Variants in CAPN13 observed in about 807,000 individuals in gnomAD.
The protein encoded by CAPN13 is calpain-13.
Under a neutral mutation model 98.4 loss-of-function variants are expected in CAPN13, and 90 were observed. That is an observed-to-expected ratio of 0.92 (90% CI 0.77 to 1.09). CAPN13 has a LOEUF of 1.09. Among genes scored for constraint, CAPN13 ranks in the 50% least tolerant of loss-of-function variants. The probability of loss-of-function intolerance (pLI) is 0.00; values close to 1 mark genes in which losing one functional copy is unlikely to be tolerated. For missense variants in CAPN13, 887 were observed against 841.3 expected, an observed-to-expected ratio of 1.05 and a Z score of -0.67; for synonymous variants, 330 against 305.5, an observed-to-expected ratio of 1.08 and a Z score of -0.84.
chr2:30,802,130 G>A (rs1421918069), intron 1 of CAPN13, among the ~76,000 whole-genome samples: 2 of 152,186 alleles, frequency 1.3e-5, no homozygotes, highest in African/African-American at 4.8e-5. Context: ...CTGCAGAGGC[G>A]AGTAGGCTGA....
Position 30,754,380 on chromosome 2 carries a change from C to T in CAPN13, c.867-16G>A. The stretch of plus-strand genomic sequence containing the variant: ...CTCCTGAGACCTGAGCATGGACACA[C>T]AAACCACAGGGTGAGATTTTCCAGT... On this transcript the variant is annotated splice_polypyrimidine_tract_variant and intron_variant, in intron 8 of 22. Coordinates refer to ENST00000295055, the MANE Select transcript of CAPN13 (RefSeq NM_144575.3). The T allele has an allele frequency of 6.3e-7, 1 of 1,590,580 alleles. No homozygotes were observed. Among genetic ancestry groups the T allele is most frequent in the South Asian group, 1.2e-5 (1 of 85,926 alleles).
chr2:30,767,787 G>T (rs1673185521), intron 5 of CAPN13, among the ~76,000 whole-genome samples: 1 of 152,180 alleles, frequency 6.6e-6, no homozygotes, highest in Non-Finnish European at 1.5e-5. Context: ...TCACTGTTTG[G>T]ACTGTGACTT....
intron 1 of CAPN13, among the ~76,000 whole-genome samples, chr2:30,789,741 C>G (rs1333750195): frequency 1.3e-5 from 2 of 152,242 alleles, no homozygotes; most frequent in African/African-American, 4.8e-5. Flanking sequence ...AAGTACAAAG[C>G]AGCCAATACA....
In CAPN13 at chr2:30,752,238, C is replaced by T. The variant is rs372146227; in HGVS notation, c.1087+815G>A. On this transcript the variant is annotated intron_variant, in intron 10 of 22. Coordinates refer to ENST00000295055, the MANE Select transcript of CAPN13 (RefSeq NM_144575.3). ...AACCAACCATCCCGACAGGCAGGTG[C>T]CCAGAGGAAGGGATGCATATGCATC... 2.6e-5 allele frequency among the ~76,000 whole-genome samples: 4 copies of T among 152,202 alleles called. No homozygotes were observed. The South Asian group carries it at 8.3e-4, about 32-fold the overall frequency.
rs535959857 is a variant in CAPN13, at chr2:30,734,161, AG to A, written c.1798+287del. Among the ~76,000 whole-genome samples, 30 of 152,334 alleles carry A rather than the reference AG, an allele frequency of 2.0e-4. 1 individual carries two copies. The South Asian group carries it at 6.0e-3, about 30-fold the overall frequency. ...CTCCAAGGCGAGCTCGATTCCTGATAGGGTATCAATCACGCAACGGCTATTT... is the reference window on the plus strand; with the variant it reads ...CTCCAAGGCGAGCTCGATTCCTGATAGGTATCAATCACGCAACGGCTATTT... On this transcript the variant is annotated intron_variant, in intron 19 of 22. Transcript: ENST00000295055.
chr2:30,796,215 C>T (rs1177566058), intron 1 of CAPN13, among the ~76,000 whole-genome samples: 130 of 95,732 alleles, frequency 1.4e-3, no homozygotes, highest in African/African-American at 2.2e-3. Context: ...TATATATACA[C>T]ATATATATGT....
chr2:30,788,843 G>A (rs913592296), intron 1 of CAPN13, among the ~76,000 whole-genome samples: 3 of 152,160 alleles, frequency 2.0e-5, no homozygotes, highest in Non-Finnish European at 4.4e-5. Context: ...AGCATATTTG[G>A]AGAGAATTGT....
chr2:30,733,923 C>T (rs1451454094), intron 19 of CAPN13, among the ~76,000 whole-genome samples: 1 of 152,178 alleles, frequency 6.6e-6, no homozygotes, highest in African/African-American at 2.4e-5. Flanking sequence ...AAGGAGATGA[C>T]GCGAACAGAA....
chr2:30,759,052 TTCCCTCCCTCCC>T (rs1328282361), intron 7 of CAPN13, among the ~76,000 whole-genome samples: 2 of 15,640 alleles, frequency 1.3e-4, no homozygotes, highest in South Asian at 2.1e-3. Context: ...CCTTCCTTCC[TTCCCTCCCTCCC>T]TCCCTCCTCC....
At chr2:30,796,444 G>T (rs953076897) in intron 1 of CAPN13, among the ~76,000 whole-genome samples, 1 of 151,856 alleles carries the variant, frequency 6.6e-6, no homozygotes, top group East Asian at 1.9e-4. Context: ...GTCTGGAATA[G>T]CTAAGAATCA....
intron 20 of CAPN13, among the ~76,000 whole-genome samples, chr2:30,731,605 G>A (rs1238687568): frequency 6.6e-6 from 1 of 152,220 alleles, no homozygotes; most frequent in Non-Finnish European, 1.5e-5. Flanking sequence ...CACCTCCTCA[G>A]AGGGGCTGTG....
intron 11 of CAPN13, among the ~76,000 whole-genome samples, chr2:30,747,178 C>A (rs1435905600): frequency 1.3e-5 from 2 of 152,236 alleles, no homozygotes; most frequent in African/African-American, 4.8e-5. Context: ...CCATTGTAAG[C>A]CTCTCTACGG....
intron 1 of CAPN13, among the ~76,000 whole-genome samples, chr2:30,789,529 C>T (rs902152277): frequency 3.3e-5 from 5 of 152,136 alleles, no homozygotes; most frequent in East Asian, 1.9e-4. Context: ...GTCTTATATG[C>T]GAGGATCAGT....
At chr2:30,805,094 A>C (rs1002431187) in intron 1 of CAPN13, among the ~76,000 whole-genome samples, 1 of 152,166 alleles carries the variant, frequency 6.6e-6, no homozygotes, top group African/African-American at 2.4e-5. Flanking sequence ...TCTAGCAATT[A>C]GATCTAGTTT....
At chr2:30,794,636 C>T (rs1674765158) in intron 1 of CAPN13, among the ~76,000 whole-genome samples, 1 of 151,830 alleles carries the variant, frequency 6.6e-6, no homozygotes, top group Non-Finnish European at 1.5e-5. Context: ...AAGTTGGAAA[C>T]AATCCAATGT....
intron 5 of CAPN13, among the ~76,000 whole-genome samples, 192 bp from the exon 6 acceptor site, chr2:30,764,498 T>C (rs1673013063): frequency 6.6e-6 from 1 of 152,112 alleles, no homozygotes; most frequent in South Asian, 2.1e-4. Flanking sequence ...GCTCCTACCA[T>C]CCTCTGTACC....
rs769087472 is a variant in CAPN13 at position 30,731,343 on chromosome 2, C to T, written c.1983+1G>A. 10 of 1,609,332 alleles carry T rather than the reference C, an allele frequency of 6.2e-6. No individual in the cohort carries two copies. The highest frequency in any genetic ancestry group is 1.7e-5 in the Admixed American group (1 of 59,484). The stretch of plus-strand genomic sequence containing the variant: ...GCCCCGGGGAGGGGAAGGTACCTCA[C>T]CTCCATTTCTGTCAGGTAGAGTCCT... On this transcript the variant is annotated splice_donor_variant, in intron 21 of 22. Coordinates refer to ENST00000295055, the MANE Select transcript of CAPN13 (RefSeq NM_144575.3). LOFTEE classifies it high-confidence loss of function.
Position 30,728,808 on chromosome 2 carries a change from A to G in CAPN13, c.*30+1922T>C, listed in dbSNP as rs532668144. Among the ~76,000 whole-genome samples the G allele has an allele frequency of 7.2e-4, 110 of 152,360 alleles. 1 individual carries two copies. Among genetic ancestry groups the G allele is most frequent in the African/African-American group, 2.6e-3 (108 of 41,588 alleles). ...GGATATGAGTAGATATAGGAAAATC[A>G]GATAGGGAGGCCATGCCAAAGTCAG... On this transcript the variant is annotated intron_variant, in intron 22 of 22. Transcript: ENST00000295055.
intron 17 of CAPN13, chr2:30,737,745 A>T (rs753116117): frequency 9.9e-5 from 16 of 161,372 alleles, no homozygotes; most frequent in Admixed American, 4.1e-4. Flanking sequence ...TGAATGGGTA[A>T]AAGGGAAAAT....
Sources: allele counts gnomAD v4.1 joint callset (sites outside exome capture counted in the v4.1 genomes callset), GRCh38; gene constraint gnomAD v4.1.1; transcripts MANE v1.5; gene names NCBI Gene and HGNC (gene_info 2026-07-23, HGNC 2026-07-21).